The following UTRN variants were observed in gnomAD, a reference collection of about 807,000 sequenced individuals.
UTRN encodes the protein utrophin, also known as dystrophin-related protein 1.
A neutral mutation model predicts 463.9 loss-of-function variants in UTRN; 283 were observed. The observed-to-expected ratio is 0.61, with a 90% confidence interval of 0.55 to 0.67. The LOEUF (loss-of-function observed/expected upper bound fraction) is 0.67. UTRN is among the 30% of genes least tolerant of loss of function. The pLI is 0.00. For synonymous variants in UTRN, 1,442 were observed against 1,431.5 expected (o/e 1.01, Z -0.17); for missense variants, 3,922 against 4,084.3 (o/e 0.96, Z 1.08).
intron 10 of UTRN, among the ~76,000 whole-genome samples, chr6:144,436,838 A>T (rs1786597351): frequency 6.9e-6 from 1 of 144,864 alleles, no homozygotes; most frequent in Admixed American, 7.0e-5. Flanking sequence ...ATTTTATTTT[A>T]TATATAAATA....
At chr6:144,543,603 T>G (rs1281867226) in intron 46 of UTRN, among the ~76,000 whole-genome samples, 1 of 152,164 alleles carries the variant, frequency 6.6e-6, no homozygotes, top group East Asian at 1.9e-4. Context: ...CCCCGCTTTT[T>G]TCTTCTCCCT....
chr6:144,688,743 G>A (rs779842061), intron 52 of UTRN, among the ~76,000 whole-genome samples: 8 of 152,152 alleles, frequency 5.3e-5, no homozygotes, highest in Non-Finnish European at 7.3e-5. Flanking sequence ...GTCTCCTGTG[G>A]CATTGGAATG....
At chr6:144,325,396 C>T (rs997152191) in intron 2 of UTRN, among the ~76,000 whole-genome samples, 2 of 152,084 alleles carry the variant, frequency 1.3e-5, no homozygotes, top group African/African-American at 4.8e-5. Context: ...GTATCCTGCC[C>T]TTTCACCTTT....
chr6:144,318,226 G>A (rs1438164719), intron 2 of UTRN, among the ~76,000 whole-genome samples: 1 of 152,022 alleles, frequency 6.6e-6, no homozygotes, highest in Non-Finnish European at 1.5e-5. Context: ...ACTTCTTCAA[G>A]TTTATTTAGG....
chr6:144,800,655 A>G (rs1777622809), intron 64 of UTRN, among the ~76,000 whole-genome samples: 1 of 152,222 alleles, frequency 6.6e-6, no homozygotes, highest in Non-Finnish European at 1.5e-5. Context: ...GTTTCCTCAT[A>G]GGAATAGTTA....
chr6:144,690,074 G>GTTTTTT lies in UTRN; in HGVS notation c.7653-9996_7653-9991dup, dbSNP rs1554339291. On this transcript the variant is annotated intron_variant, in intron 52 of 74. Coordinates refer to ENST00000367545, the MANE Select transcript of UTRN (RefSeq NM_007124.3). Reference sequence around the variant, plus strand: ...GGCCATAGAGCTCCCAAAAGTTTCTGTTTTTTTTTTTTTTTTTTTTTTGTG... The same window carrying GTTTTTT: ...GGCCATAGAGCTCCCAAAAGTTTCTGTTTTTTTTTTTTTTTTTTTTTTTTTTTTGTG... Among the ~76,000 whole-genome samples, 19 of 31,280 alleles carry GTTTTTT rather than the reference G, an allele frequency of 6.1e-4. 8 individuals carry two copies. Among genetic ancestry groups the GTTTTTT allele is most frequent in the African/African-American group, 3.0e-3 (17 of 5,682 alleles). 20.5% of individuals were successfully genotyped at this position (31,280 alleles called of 152,430 possible).
At chr6:144,676,028 G>A (rs1781555352) in intron 51 of UTRN, among the ~76,000 whole-genome samples, 1 of 151,678 alleles carries the variant, frequency 6.6e-6, no homozygotes, top group South Asian at 2.1e-4. Flanking sequence ...GCCCCCAAAT[G>A]TATTTTATAA....
intron 35 of UTRN, among the ~76,000 whole-genome samples, chr6:144,511,576 AGTT>A (rs1400622931): frequency 6.6e-6 from 1 of 152,178 alleles, no homozygotes; most frequent in African/African-American, 2.4e-5. Flanking sequence ...TCTAAACCTC[AGTT>A]GTTTAATTTG....
chr6:144,753,288 T>C (rs1050324475), intron 56 of UTRN, among the ~76,000 whole-genome samples: 1 of 152,176 alleles, frequency 6.6e-6, no homozygotes, highest in African/African-American at 2.4e-5. Flanking sequence ...ACCCTTTACA[T>C]TTTCATAATG....
At chr6:144,821,378 G>A (rs1422966234) in intron 66 of UTRN, among the ~76,000 whole-genome samples, 1 of 151,484 alleles carries the variant, frequency 6.6e-6, no homozygotes, top group African/African-American at 2.4e-5. Flanking sequence ...CCTTATGGGG[G>A]GTGTTTTACT....
chr6:144,330,091 A>C (rs998074513), intron 2 of UTRN, among the ~76,000 whole-genome samples: 1 of 152,190 alleles, frequency 6.6e-6, no homozygotes, highest in Non-Finnish European at 1.5e-5. Flanking sequence ...ACCTGGAATG[A>C]GTGATAGTTT....
chr6:144,400,364 T>C (rs1782830904), intron 2 of UTRN, among the ~76,000 whole-genome samples: 1 of 152,214 alleles, frequency 6.6e-6, no homozygotes, highest in African/African-American at 2.4e-5. Context: ...GTGGAAGTTC[T>C]GTATAAATTT....
chr6:144,578,249 T>G (rs1233442248), intron 51 of UTRN, among the ~76,000 whole-genome samples: 1 of 152,200 alleles, frequency 6.6e-6, no homozygotes, highest in African/African-American at 2.4e-5. Context: ...GGAAGTCTCC[T>G]TGTCAACCAT....
At chr6:144,455,522 A>T (rs1486163864) in intron 19 of UTRN, among the ~76,000 whole-genome samples, 1 of 152,208 alleles carries the variant, frequency 6.6e-6, no homozygotes, top group African/African-American at 2.4e-5. Flanking sequence ...TGAATATGGG[A>T]TAATTTCTTG....
chr6:144,349,508 C>T (rs1777921987), intron 2 of UTRN, among the ~76,000 whole-genome samples: 1 of 152,112 alleles, frequency 6.6e-6, no homozygotes, highest in Non-Finnish European at 1.5e-5. Flanking sequence ...TCTTTGCAAG[C>T]TATAGTAATA....
chr6:144,777,352 TA>T (rs1197886643), intron 60 of UTRN, among the ~76,000 whole-genome samples: 1 of 152,122 alleles, frequency 6.6e-6, no homozygotes, highest in African/African-American at 2.4e-5. Context: ...ATGAAAAAAT[TA>T]AATGGCAGAA....
chr6:144,665,026 G>A (rs1019526000), intron 51 of UTRN, among the ~76,000 whole-genome samples: 57 of 152,076 alleles, frequency 3.7e-4, no homozygotes, highest in African/African-American at 1.2e-3. Flanking sequence ...GATTAACTTT[G>A]TTTAGTTAGG....
chr6:144,516,485 CATG>C, intron 38 of UTRN, 98 bp downstream of exon 38: 1 of 1,299,994 alleles, frequency 7.7e-7, no homozygotes, highest in Non-Finnish European at 1.1e-6. Flanking sequence ...ATCTGTCAAA[CATG>C]ATGAAACAGA....
intron 2 of UTRN, among the ~76,000 whole-genome samples, chr6:144,337,733 C>A (rs573901456): frequency 2.6e-5 from 4 of 152,102 alleles, no homozygotes; most frequent in Non-Finnish European, 5.9e-5. Flanking sequence ...CCATGCCTCA[C>A]CCTCCTGAAT....
Sources: allele counts gnomAD v4.1 joint callset (sites outside exome capture counted in the v4.1 genomes callset), GRCh38; gene constraint gnomAD v4.1.1; transcripts MANE v1.5; gene names NCBI Gene and HGNC (gene_info 2026-07-23, HGNC 2026-07-21).